ZNF286A: variants seen among roughly 807,000 people sequenced by gnomAD.
The protein encoded by ZNF286A is zinc finger protein 286A.
ZNF286A carries 34 observed loss-of-function variants against 49.3 expected under a neutral mutation model. The ratio of observed to expected loss-of-function variants is 0.69; its 90% CI spans 0.52 to 0.92. The LOEUF is 0.92. ZNF286A is among the 40% of genes least tolerant of loss of function. The pLI, the probability that ZNF286A is intolerant of heterozygous loss-of-function variation, is 0.00. For missense variants in ZNF286A, 462 were observed against 600.2 expected (o/e 0.77, Z 2.41); for synonymous variants, 155 against 200.4 (o/e 0.77, Z 1.91).
intron 5 of ZNF286A, among the ~76,000 whole-genome samples, chr17:15,715,059 C>T (rs187757261): frequency 5.5e-4 from 83 of 152,036 alleles, no homozygotes; most frequent in African/African-American, 2.0e-3. Context: ...AAAATATTTT[C>T]TCTATATAAA....
intron 5 of ZNF286A, chr17:15,709,845 C>G (rs1179080324): frequency 7.6e-5 from 118 of 1,543,378 alleles, no homozygotes; most frequent in Non-Finnish European, 9.8e-5. Context: ...TTTTTTGATT[C>G]CTTATGTTCA....
At chr17:15,712,725 C>G (rs1386279536) in intron 5 of ZNF286A, among the ~76,000 whole-genome samples, 1 of 151,938 alleles carries the variant, frequency 6.6e-6, no homozygotes, top group Non-Finnish European at 1.5e-5. Context: ...CGCCTTTGCC[C>G]TCATATACTT....
intron 3 of ZNF286A, 153 bp downstream of exon 3, chr17:15,701,393 G>C (rs1442465743): frequency 3.0e-5 from 17 of 560,976 alleles, no homozygotes; most frequent in Non-Finnish European, 4.9e-5. Context: ...AATGGACTCA[G>C]AAGAAAATGT....
At chr17:15,703,209 C>G (rs1989923859) in intron 3 of ZNF286A, among the ~76,000 whole-genome samples, 1 of 152,096 alleles carries the variant, frequency 6.6e-6, no homozygotes, top group African/African-American at 2.4e-5. Flanking sequence ...TACACAGATT[C>G]AAAGTGGCCA....
At chr17:15,703,069 G>C (rs1989910098) in intron 3 of ZNF286A, among the ~76,000 whole-genome samples, 1 of 152,078 alleles carries the variant, frequency 6.6e-6, no homozygotes, top group African/African-American at 2.4e-5. Context: ...CCCATTCCTG[G>C]ATGAGATATT....
intron 5 of ZNF286A, among the ~76,000 whole-genome samples, chr17:15,714,574 T>C (rs868051676): frequency 6.6e-6 from 1 of 152,152 alleles, no homozygotes; most frequent in South Asian, 2.1e-4. Context: ...CCTTGCAAGA[T>C]GGATACTGTT....
intron 5 of ZNF286A, among the ~76,000 whole-genome samples, chr17:15,714,307 A>G (rs1395073943): frequency 6.6e-6 from 1 of 152,108 alleles, no homozygotes; most frequent in Non-Finnish European, 1.5e-5. Flanking sequence ...TTACAACATC[A>G]TGGAAAATGT....
At chr17:15,712,008 A>G (rs1295697121) in intron 5 of ZNF286A, among the ~76,000 whole-genome samples, 1 of 151,252 alleles carries the variant, frequency 6.6e-6, no homozygotes, top group South Asian at 2.1e-4. Flanking sequence ...AGTAGCTGGG[A>G]CTACAGGTGC....
At chr17:15,702,153 C>T (rs534150740) in intron 3 of ZNF286A, among the ~76,000 whole-genome samples, 1 of 150,100 alleles carries the variant, frequency 6.7e-6, no homozygotes, top group South Asian at 2.1e-4. Context: ...TGAATTTAGG[C>T]GGTGATTGTA....
At chr17:15,714,123 A>T (rs1053918167) in intron 5 of ZNF286A, among the ~76,000 whole-genome samples, 1 of 151,946 alleles carries the variant, frequency 6.6e-6, no homozygotes, top group African/African-American at 2.4e-5. Context: ...CACTTCAAGG[A>T]TTAAAATTCA....
At position 15,706,413 on chromosome 17, in the gene ZNF286A, C is replaced by T; in HGVS notation, c.153C>T (p.Ala51=). 6.2e-7 allele frequency: 1 copy of T among 1,613,864 alleles called. No homozygotes were observed. Among genetic ancestry groups the T allele is most frequent in the South Asian group, 1.1e-5 (1 of 91,072 alleles). The change falls in exon 4 of 6, where the codon GCC becomes GCT. Residue 51 remains alanine, a synonymous_variant. Transcript: ENST00000583566. ...SQETVTFKDV[A]MDFTPEEWGK... The stretch of plus-strand genomic sequence containing the variant: ...AAACAGTGACATTCAAGGATGTGGC[C>T]ATGGACTTTACACCAGAGGAGTGGG...
chr17:15,714,569 C>T (rs1171134254), intron 5 of ZNF286A, among the ~76,000 whole-genome samples: 1 of 152,072 alleles, frequency 6.6e-6, no homozygotes, highest in Admixed American at 6.5e-5. Context: ...TCATTCCTTG[C>T]AAGATGGATA....
chr17:15,701,418 A>G (rs1391308202), intron 3 of ZNF286A, 178 bp downstream of exon 3: 1 of 504,196 alleles, frequency 2.0e-6, no homozygotes, highest in Admixed American at 3.3e-5. Flanking sequence ...TACTTATAAC[A>G]CTGGATGGAT....
rs1399083928 is a variant in ZNF286A, at chr17:15,717,241, G to T, written c.1517G>T (p.Ser506Ile). The T allele has an allele frequency of 6.2e-7, 1 of 1,607,866 alleles. No homozygotes were observed. Among genetic ancestry groups the T allele is most frequent in the African/African-American group, 1.3e-5 (1 of 74,290 alleles). ...CNECGKSFKC[S>I]SSLIRHQRVH... ...GAGTGTGGGAAAAGCTTTAAGTGCA[G>T]TTCATCTCTCATCAGACATCAAAGA... Residue 506 changes from serine to isoleucine, a missense_variant, in exon 6 of 6, where the codon AGT becomes ATT. Physicochemically the swap from Ser to Ile is moderately radical, Grantham distance 142. Around this residue, in one of 3 missense-constraint regions of ZNF286A, gnomAD observed 201 missense variants for 311.3 expected, o/e 0.65. Coordinates refer to ENST00000583566, the MANE Select transcript of ZNF286A (RefSeq NM_001130842.2).
chr17:15,709,048 C>T (rs1426987456), intron 5 of ZNF286A, among the ~76,000 whole-genome samples: 3 of 152,150 alleles, frequency 2.0e-5, no homozygotes, highest in Non-Finnish European at 4.4e-5. Context: ...GTACCAATTA[C>T]ATTCCTAGCA....
chr17:15,715,263 T>C (rs1262518741), intron 5 of ZNF286A, among the ~76,000 whole-genome samples: 4 of 151,802 alleles, frequency 2.6e-5, no homozygotes, highest in Non-Finnish European at 5.9e-5. Context: ...TTGTACCCCT[T>C]TTTTTTCTTT....
chr17:15,717,348 G>A lies in ZNF286A; in HGVS notation c.*58G>A. 7.4e-7 allele frequency: 1 copy of A among 1,359,654 alleles called. No individual in the cohort carries two copies. The highest frequency in any genetic ancestry group is 1.0e-6 in the Non-Finnish European group (1 of 1,003,394). The allele number at this position is 1,359,654 out of a possible 1,614,324, so 84.2% of individuals were successfully genotyped here. A position where few individuals can be genotyped will look rare whatever the true frequency, so the allele number is the denominator to read the frequency against. Reference sequence around the variant, plus strand: ...TTTTATCACTGTATTAAATACTTGAGTGTTTAGGTGGAAGGCGCATCCATA... The same window carrying A: ...TTTTATCACTGTATTAAATACTTGAATGTTTAGGTGGAAGGCGCATCCATA... On this transcript the variant is annotated 3_prime_UTR_variant, in exon 6 of 6. Transcript: ENST00000583566.
chr17:15,706,526 A>G, intron 4 of ZNF286A, 25 bp downstream of exon 4: 1 of 1,543,744 alleles, frequency 6.5e-7, no homozygotes, highest in Non-Finnish European at 8.9e-7. Flanking sequence ...TGATTCTGGA[A>G]TCTGCTTATA....
rs1484132760 is a variant in ZNF286A, at chr17:15,711,862, C to G, written c.334+3615C>G. Among the ~76,000 whole-genome samples the G allele has an allele frequency of 3.4e-4, 33 of 97,802 alleles. 1 individual carries two copies. The highest frequency in any genetic ancestry group is 1.0e-3 in the Admixed American group (10 of 9,906). The allele number at this position is 97,802 out of a possible 152,430, so 64.2% of individuals were successfully genotyped here. On this transcript the variant is annotated intron_variant, in intron 5 of 5. Transcript: ENST00000583566. The stretch of plus-strand genomic sequence containing the variant: ...AAATTTGCATTTATCTGTAATCTGC[C>G]CCCCCCCCGGCTTTTTTTTTTTTTT...
Sources: gnomAD v4.1 joint callset for allele counts (sites outside exome capture counted in the v4.1 genomes callset) on GRCh38, gnomAD v4.1.1 for gene constraint, gnomAD v4.1.1 regional missense constraint, MANE v1.5 for transcripts, NCBI Gene and HGNC (gene_info 2026-07-23, HGNC 2026-07-21) for gene names.